SLC25A36: variants seen among roughly 807,000 people sequenced by gnomAD.
SLC25A36 encodes solute carrier family 25 member 36, also known as epididymis secretory sperm binding protein.
In SLC25A36, 24 loss-of-function variants were observed where a neutral mutation model predicts 35.3. The ratio of observed to expected loss-of-function variants is 0.68; its 90% confidence interval spans 0.49 to 0.96. The LOEUF (loss-of-function observed/expected upper bound fraction) is 0.96, where lower values mean the gene tolerates loss of function less well. Ranked by LOEUF, SLC25A36 falls within the 40% of genes least tolerant of loss-of-function variation. The pLI is 0.00. For synonymous variants in SLC25A36, 141 were observed against 132.2 expected (o/e 1.07, Z -0.46); for missense variants, 294 against 381.1 (o/e 0.77, Z 1.90).
In SLC25A36 at chr3:140,978,812, C is replaced by T. The variant is rs1935118047; in HGVS notation, c.*2359C>T. ...TAGTTTATGTATGACAGAGATAATT[C>T]AAAAAGGAAAACTATATATAAAAGT... On this transcript the variant is annotated 3_prime_UTR_variant, in exon 7 of 7. Coordinates refer to ENST00000324194, the MANE Select transcript of SLC25A36 (RefSeq NM_001104647.3). 6.6e-6 allele frequency: 1 copy of T among 151,952 alleles called. No individual in the cohort carries two copies. The highest frequency in any genetic ancestry group is 1.5e-5 in the Non-Finnish European group (1 of 67,974). The allele number at this position is 151,952 out of a possible 1,614,324, so 9.4% of individuals were successfully genotyped here.
At chr3:140,964,692 T>G (rs1241550021) in intron 4 of SLC25A36, 1 of 151,828 alleles carries the variant, frequency 6.6e-6, no homozygotes, top group Non-Finnish European at 1.5e-5. Context: ...GCTTATAACC[T>G]CAGATAATTA....
chr3:140,952,600 C>G (rs527616844), intron 1 of SLC25A36, among the ~76,000 whole-genome samples: 1 of 152,302 alleles, frequency 6.6e-6, no homozygotes, highest in East Asian at 1.9e-4. Context: ...AACTACATAG[C>G]TAATATTTAT....
At chr3:140,946,236 C>T (rs1934160574) in intron 1 of SLC25A36, among the ~76,000 whole-genome samples, 1 of 152,050 alleles carries the variant, frequency 6.6e-6, no homozygotes, top group Non-Finnish European at 1.5e-5. Context: ...AGTACTAAAT[C>T]GAATGATGAT....
intron 1 of SLC25A36, among the ~76,000 whole-genome samples, chr3:140,945,040 C>G (rs1934125616): frequency 6.6e-6 from 1 of 152,128 alleles, no homozygotes; most frequent in Non-Finnish European, 1.5e-5. Context: ...TTACAAAATA[C>G]CAAAAACTGG....
Position 140,963,052 on chromosome 3 carries a change from TTATGAAG to T in SLC25A36, c.285-74_285-68del, listed in dbSNP as rs1210038668. 6.6e-6 allele frequency: 6 copies of T among 904,744 alleles called. No individual in the cohort carries two copies. The East Asian group carries it at 1.7e-4, about 26-fold the overall frequency. 56.0% of individuals were successfully genotyped at this position (904,744 alleles called of 1,614,324 possible). On this transcript the variant is annotated intron_variant, in intron 3 of 6. Coordinates refer to ENST00000324194, the MANE Select transcript of SLC25A36 (RefSeq NM_001104647.3). ...GTTTTTAAATTTCTCCATTCTAAAA[TTATGAAG>T]ATCAATTTATATGTAAATCTTACGC... is the stretch of plus-strand genomic sequence containing the variant.
At chr3:140,944,283 A>G (rs750482493) in intron 1 of SLC25A36, among the ~76,000 whole-genome samples, 19 of 152,212 alleles carry the variant, frequency 1.2e-4, no homozygotes, top group Non-Finnish European at 2.2e-4. Context: ...CCACATTTCT[A>G]ATAGCCTAGT....
intron 1 of SLC25A36, among the ~76,000 whole-genome samples, chr3:140,955,436 A>G (rs1316690618): frequency 1.3e-5 from 2 of 152,222 alleles, no homozygotes; most frequent in African/African-American, 4.8e-5. Context: ...AAGCAGTTCT[A>G]AAGGCTTCAC....
In SLC25A36 at chr3:140,968,444, A is replaced by T. The variant is rs575314616; in HGVS notation, c.386-2483A>T. The T allele has an allele frequency of 1.1e-5, 11 of 983,504 alleles. No homozygotes were observed. In the African/African-American group the frequency reaches 1.6e-4, roughly 14 times the overall value. 60.9% of individuals were successfully genotyped at this position (983,504 alleles called of 1,614,324 possible). ...AATAGCAATTACGTAGGGATAAGATAACATTCTCTCACTTACCTAAATTTT... is the reference window on the plus strand; with the variant it reads ...AATAGCAATTACGTAGGGATAAGATTACATTCTCTCACTTACCTAAATTTT... On this transcript the variant is annotated intron_variant, in intron 4 of 6. Transcript: ENST00000324194.
intron 1 of SLC25A36, among the ~76,000 whole-genome samples, chr3:140,952,128 T>A (rs1353093485): frequency 6.6e-6 from 1 of 151,830 alleles, no homozygotes; most frequent in Admixed American, 6.6e-5. Context: ...GCGATTCTAC[T>A]GCCTCAGCCT....
intron 2 of SLC25A36, among the ~76,000 whole-genome samples, chr3:140,958,830 A>C (rs1934547304): frequency 6.6e-6 from 1 of 152,182 alleles, no homozygotes; most frequent in Non-Finnish European, 1.5e-5. Flanking sequence ...ATCATATGAA[A>C]ATAATGTAGA....
intron 1 of SLC25A36, among the ~76,000 whole-genome samples, chr3:140,952,219 T>C (rs1455638608): frequency 2.6e-5 from 4 of 152,120 alleles, no homozygotes; most frequent in Admixed American, 6.5e-5. Flanking sequence ...GGTTTTATCA[T>C]GTTTGCCAGG....
At chr3:140,968,484 C>T in intron 4 of SLC25A36, 1 of 983,330 alleles carries the variant, frequency 1.0e-6, no homozygotes, top group Non-Finnish European at 1.2e-6. Flanking sequence ...TGTCCTGTTA[C>T]ATAGGTTAAT....
rs760295821 is a variant in SLC25A36 at position 140,956,650 on chromosome 3, T to A, written c.165T>A (p.Ser55Arg). The A allele has an allele frequency of 4.3e-6, 7 of 1,614,038 alleles. No individual in the cohort carries two copies. In the East Asian group the frequency reaches 1.6e-4, roughly 36 times the overall value. The change falls in exon 2 of 7, where the codon AGT becomes AGA. Residue 55 changes from serine to arginine, a missense_variant. Physicochemically the swap from Ser to Arg is moderately radical, Grantham distance 110 (BLOSUM62 -1). Coordinates refer to ENST00000324194, the MANE Select transcript of SLC25A36 (RefSeq NM_001104647.3). Reference sequence around the variant, plus strand: ...AGCTGAACACCATGGCTGGAGCCAGTGTCAACCGAGTAGTGTCTCCCGGAC... The same window carrying A: ...AGCTGAACACCATGGCTGGAGCCAGAGTCAACCGAGTAGTGTCTCCCGGAC... Reference protein sequence around the residue: ...EVQLNTMAGASVNRVVSPGPL... With the variant: ...EVQLNTMAGARVNRVVSPGPL...
chr3:140,973,676 TA>T, intron 5 of SLC25A36, 39 bp from the exon 6 acceptor site: 1 of 1,374,090 alleles, frequency 7.3e-7, no homozygotes, highest in Non-Finnish European at 9.5e-7. Context: ...TTACTTACTT[TA>T]AAAAACCTAT....
Position 140,964,045 on chromosome 3 carries a change from T to G in SLC25A36, c.385+818T>G, listed in dbSNP as rs942223130. ...ATTGTATATTTACTCATATCTCACA[T>G]TTTCAAATTATGCTGTAACTTTATA... On this transcript the variant is annotated intron_variant, in intron 4 of 6. Coordinates refer to ENST00000324194, the MANE Select transcript of SLC25A36 (RefSeq NM_001104647.3). 8 of 152,096 alleles carry G rather than the reference T, an allele frequency of 5.3e-5. No individual in the cohort carries two copies. The South Asian group carries it at 1.7e-3, about 31-fold the overall frequency. 9.4% of individuals were successfully genotyped at this position (152,096 alleles called of 1,614,324 possible). A position where few individuals can be genotyped will look rare whatever the true frequency, so the allele number is the denominator to read the frequency against.
chr3:140,968,492 A>G, intron 4 of SLC25A36: 1 of 982,922 alleles, frequency 1.0e-6, no homozygotes, highest in Non-Finnish European at 1.2e-6. Flanking sequence ...TACATAGGTT[A>G]ATTTGTGCTT....
intron 5 of SLC25A36, chr3:140,972,793 C>T (rs538745284): frequency 2.3e-4 from 35 of 152,138 alleles, no homozygotes; most frequent in Admixed American, 1.5e-3. Context: ...AAAGACAATC[C>T]ATTCATAAAA....
intron 4 of SLC25A36, chr3:140,968,269 TA>T: frequency 1.1e-6 from 1 of 886,578 alleles, no homozygotes; most frequent in Non-Finnish European, 1.4e-6. Context: ...TTTTTAGCGG[TA>T]AAGGGCTAAT....
rs1261625222 is a variant in SLC25A36, at chr3:140,977,536, GAACA to G, written c.*1087_*1090del. ...AATTGACTTATAGTTTTGTGTAAAT[GAACA>G]AACTGCTTTTGACAAGAAATTTATT... is the stretch of plus-strand genomic sequence containing the variant. On this transcript the variant is annotated 3_prime_UTR_variant, in exon 7 of 7. Coordinates refer to ENST00000324194, the MANE Select transcript of SLC25A36 (RefSeq NM_001104647.3). 1 of 152,158 alleles carries G rather than the reference GAACA, an allele frequency of 6.6e-6. No homozygotes were observed. The highest frequency in any genetic ancestry group is 1.5e-5 in the Non-Finnish European group (1 of 68,024). 9.4% of individuals were successfully genotyped at this position (152,158 alleles called of 1,614,324 possible). A position where few individuals can be genotyped will look rare whatever the true frequency, so the allele number is the denominator to read the frequency against.
Sources: allele counts gnomAD v4.1 joint callset (sites outside exome capture counted in the v4.1 genomes callset), GRCh38; gene constraint gnomAD v4.1.1; transcripts MANE v1.5; gene names NCBI Gene and HGNC (gene_info 2026-07-23, HGNC 2026-07-21).